KCMF1: variants seen among roughly 807,000 people sequenced by gnomAD.
The protein encoded by KCMF1 is E3 ubiquitin-protein ligase KCMF1.
In KCMF1, 3 loss-of-function variants were observed where a neutral mutation model predicts 41.1. That is an observed-to-expected ratio of 0.07 (90% confidence interval 0.03 to 0.19). The LOEUF is 0.19. Among genes scored for constraint, KCMF1 ranks in the 10% least tolerant of loss-of-function variants. The pLI is 1.00. For synonymous variants in KCMF1, 142 were observed against 164.5 expected (o/e 0.86, Z 1.04); for missense variants, 286 against 488.9 (o/e 0.58, Z 3.91).
chr2:85,027,366 CTTTTTTTTTTTTTT>C (rs934531367), intron 1 of KCMF1, among the ~76,000 whole-genome samples: 4 of 65,742 alleles, frequency 6.1e-5, no homozygotes, highest in East Asian at 4.6e-4. Context: ...CTTATCAAGG[CTTTTTTTTTTTTTT>C]TTTTTTTTTT....
At chr2:84,996,077 C>T (rs1674169543) in intron 1 of KCMF1, among the ~76,000 whole-genome samples, 1 of 152,198 alleles carries the variant, frequency 6.6e-6, no homozygotes, top group East Asian at 1.9e-4. Context: ...AATTGTATTA[C>T]TGGTGATTTC....
At chr2:85,050,006 C>A (rs1311229314) in intron 6 of KCMF1, among the ~76,000 whole-genome samples, 1 of 152,004 alleles carries the variant, frequency 6.6e-6, no homozygotes, top group Non-Finnish European at 1.5e-5. Flanking sequence ...AAAAATGAGC[C>A]AGGTGTGATG....
At chr2:85,030,166 C>T (rs1384414840) in intron 2 of KCMF1, among the ~76,000 whole-genome samples, 2 of 152,042 alleles carry the variant, frequency 1.3e-5, no homozygotes, top group East Asian at 3.9e-4. Flanking sequence ...TACCTTGATC[C>T]TTTGCCCATT....
At chr2:85,039,461 T>C (rs1675474004) in intron 3 of KCMF1, among the ~76,000 whole-genome samples, 1 of 152,196 alleles carries the variant, frequency 6.6e-6, no homozygotes, top group Admixed American at 6.5e-5. Flanking sequence ...ATGCTGACTT[T>C]AGGTGCTTTC....
At chr2:85,038,980 A>G (rs1294039497) in intron 3 of KCMF1, among the ~76,000 whole-genome samples, 4 of 152,198 alleles carry the variant, frequency 2.6e-5, no homozygotes, top group African/African-American at 9.6e-5. Context: ...TCATTCTCCC[A>G]AAGTGTTGGG....
At chr2:85,048,404 G>T (rs1030357622) in intron 5 of KCMF1, among the ~76,000 whole-genome samples, 1 of 152,072 alleles carries the variant, frequency 6.6e-6, no homozygotes, top group African/African-American at 2.4e-5. Flanking sequence ...GTGAAAATTA[G>T]TTTATTTTAG....
intron 1 of KCMF1, among the ~76,000 whole-genome samples, chr2:85,001,555 C>A (rs959994143): frequency 1.3e-5 from 2 of 152,130 alleles, no homozygotes; most frequent in African/African-American, 4.8e-5. Flanking sequence ...CTGAACAATT[C>A]TTTATTGCAT....
At chr2:85,008,298 A>ATG (rs1558573393) in intron 1 of KCMF1, among the ~76,000 whole-genome samples, 1 of 77,936 alleles carries the variant, frequency 1.3e-5, no homozygotes, top group African/African-American at 6.5e-5. Context: ...TAATATATAT[A>ATG]ATATATAATA....
intron 1 of KCMF1, 43 bp downstream of exon 1, chr2:84,971,510 G>C: frequency 8.8e-7 from 1 of 1,135,554 alleles, no homozygotes. Flanking sequence ...CCGGGCCTCG[G>C]CCTACCCCGC....
Position 84,971,278 on chromosome 2 carries a change from C to CCCG in KCMF1, c.-151_-149dup, listed in dbSNP as rs540667091. 0.014 allele frequency: 2,288 copies of CCCG among 160,536 alleles called. 20 individuals are homozygous for CCCG. The highest frequency in any genetic ancestry group is 0.026 in the African/African-American group (1,051 of 40,744). The allele number at this position is 160,536 out of a possible 1,614,324, so 9.9% of individuals were successfully genotyped here. A position where few individuals can be genotyped will look rare whatever the true frequency, so the allele number is the denominator to read the frequency against. On this transcript the variant is annotated 5_prime_UTR_variant, in exon 1 of 7. Coordinates refer to ENST00000409785, the MANE Select transcript of KCMF1 (RefSeq NM_020122.5). Reference sequence around the variant, plus strand: ...CCCCATTCCCGCCCCGCGCCGCCTCCCCGCCGCCGCCGCCGCCGCCGCCGC... The same window carrying CCCG: ...CCCCATTCCCGCCCCGCGCCGCCTCCCCGCCGCCGCCGCCGCCGCCGCCGCCGC...
intron 1 of KCMF1, among the ~76,000 whole-genome samples, chr2:84,995,585 G>T (rs568829779): frequency 1.3e-5 from 2 of 152,206 alleles, no homozygotes; most frequent in African/African-American, 4.8e-5. Context: ...TCTATCCTTT[G>T]TTAGTGATTG....
intron 1 of KCMF1, among the ~76,000 whole-genome samples, chr2:85,022,818 T>G (rs1674976637): frequency 6.6e-6 from 1 of 152,138 alleles, no homozygotes; most frequent in Non-Finnish European, 1.5e-5. Context: ...CATTTTCCTT[T>G]TATAGTTTTA....
At chr2:84,987,551 T>A (rs1485149365) in intron 1 of KCMF1, among the ~76,000 whole-genome samples, 1 of 152,134 alleles carries the variant, frequency 6.6e-6, no homozygotes, top group African/African-American at 2.4e-5. Flanking sequence ...AAATTGGGCA[T>A]CTAGGAGGGG....
chr2:85,006,899 G>C (rs1001513416), intron 1 of KCMF1, among the ~76,000 whole-genome samples: 2 of 151,338 alleles, frequency 1.3e-5, no homozygotes, highest in Non-Finnish European at 2.9e-5. Context: ...ATCTGAGGTC[G>C]GGAGTTTGAG....
In KCMF1 at chr2:84,984,302, T is replaced by C. The variant is rs548312072; in HGVS notation, c.16+12835T>C. 2.6e-5 allele frequency among the ~76,000 whole-genome samples: 4 copies of C among 152,164 alleles called. No homozygotes were observed. In the East Asian group the frequency reaches 5.8e-4, roughly 22 times the overall value. On this transcript the variant is annotated intron_variant, in intron 1 of 6. Coordinates refer to ENST00000409785, the MANE Select transcript of KCMF1 (RefSeq NM_020122.5). Reference sequence around the variant, plus strand: ...TTTTTGTAGGGATGGGGTCTTGCTGTGTTGCCAAGGCTGGTCTCAAACTCC... The same window carrying C: ...TTTTTGTAGGGATGGGGTCTTGCTGCGTTGCCAAGGCTGGTCTCAAACTCC...
chr2:85,021,584 T>TCCA (rs1265029924), intron 1 of KCMF1, among the ~76,000 whole-genome samples: 3 of 151,418 alleles, frequency 2.0e-5, no homozygotes, highest in Non-Finnish European at 4.4e-5. Flanking sequence ...ATTGCGCCAC[T>TCCA]GCACTCCAGC....
chr2:85,044,548 G>A (rs1319196338), intron 4 of KCMF1, among the ~76,000 whole-genome samples: 1 of 152,020 alleles, frequency 6.6e-6, no homozygotes, highest in Non-Finnish European at 1.5e-5. Flanking sequence ...GCTAATTTTT[G>A]TATTTTTAGT....
intron 1 of KCMF1, among the ~76,000 whole-genome samples, chr2:84,999,574 C>G (rs1451451825): frequency 6.6e-6 from 1 of 152,160 alleles, no homozygotes; most frequent in Non-Finnish European, 1.5e-5. Context: ...CCTATACCTA[C>G]TTACAATAAA....
chr2:85,014,742 TG>T (rs1674728890), intron 1 of KCMF1, among the ~76,000 whole-genome samples: 1 of 151,216 alleles, frequency 6.6e-6, no homozygotes, highest in African/African-American at 2.4e-5. Context: ...TGTGTGTGTG[TG>T]TGTGTTTTTA....
Sources: allele counts gnomAD v4.1 joint callset (sites outside exome capture counted in the v4.1 genomes callset), GRCh38; gene constraint gnomAD v4.1.1; transcripts MANE v1.5; gene names NCBI Gene and HGNC (gene_info 2026-07-23, HGNC 2026-07-21).